Variants in STAM observed in about 807,000 individuals in gnomAD.
The protein encoded by STAM is signal transducing adapter molecule 1.
In STAM, 16 loss-of-function variants were observed where a neutral mutation model predicts 63.4. The ratio of observed to expected loss-of-function variants is 0.25; its 90% CI spans 0.17 to 0.38. The LOEUF is 0.38. Ranked by LOEUF, STAM falls within the 10% of genes least tolerant of loss-of-function variation. STAM has a pLI of 1.00. For missense variants in STAM, 636 were observed against 657.1 expected, an observed-to-expected ratio of 0.97 and a Z score of 0.35; for synonymous variants, 238 against 223.9, an observed-to-expected ratio of 1.06 and a Z score of -0.56.
intron 2 of STAM, among the ~76,000 whole-genome samples, chr10:17,680,336 T>G (rs1278371815): frequency 1.3e-5 from 2 of 152,166 alleles, no homozygotes; most frequent in Non-Finnish European, 2.9e-5. Flanking sequence ...ATTAAACAAT[T>G]AAACAATAAC....
intron 2 of STAM, among the ~76,000 whole-genome samples, chr10:17,664,621 G>A (rs893130235): frequency 2.2e-4 from 33 of 152,244 alleles, no homozygotes; most frequent in Middle Eastern, 6.8e-3. Flanking sequence ...CTAAATACCT[G>A]ATGTGCTTTA....
intron 2 of STAM, among the ~76,000 whole-genome samples, chr10:17,669,728 C>T (rs1223077706): frequency 4.1e-5 from 6 of 147,618 alleles, no homozygotes; most frequent in East Asian, 2.0e-4. Context: ...GATGGAGTCT[C>T]GCTCTGTCAC....
In STAM at chr10:17,697,175, C is replaced by T. The variant is rs190209500; in HGVS notation, c.823+306C>T. Reference sequence around the variant, plus strand: ...AACTCCTGACCTCAGGTGATCCACCCGCCTCAGTCTCCCAAAGTGGTGGGA... The same window carrying T: ...AACTCCTGACCTCAGGTGATCCACCTGCCTCAGTCTCCCAAAGTGGTGGGA... On this transcript the variant is annotated intron_variant, in intron 8 of 13. Transcript: ENST00000377524. Among the ~76,000 whole-genome samples the T allele has an allele frequency of 4.5e-4, 69 of 152,272 alleles. No homozygotes were observed. The East Asian group carries it at 0.013, about 28-fold the overall frequency.
At position 17,688,153 on chromosome 10, in the gene STAM, T is replaced by A; in HGVS notation, c.424T>A (p.Phe142Ile). Residue 142 changes from phenylalanine (F) to isoleucine (I), a missense_variant, in exon 5 of 14, where the codon TTC becomes ATC. Coordinates refer to ENST00000377524, the MANE Select transcript of STAM (RefSeq NM_003473.4). ...IKNLKEQGVTFPAIGSQAAEQ... is the reference protein window; with the variant it reads ...IKNLKEQGVTIPAIGSQAAEQ... ...GAACCTTAAGGAACAAGGAGTTACG[T>A]TCCCAGCTATTGGCTCTCAGGTATT... The A allele has an allele frequency of 1.3e-6, 2 of 1,573,622 alleles. No individual in the cohort carries two copies. The highest frequency in any genetic ancestry group is 2.4e-5 in the South Asian group (2 of 82,644).
chr10:17,705,756 G>A lies in STAM; in HGVS notation c.1209+15G>A. On this transcript the variant is annotated intron_variant, in intron 12 of 13. Transcript: ENST00000377524. Reference sequence around the variant, plus strand: ...CTGGTTCTCAGGTAAGCTTTTAGAAGCCCATGTTGTTTTAAATTCTCAAAT... The same window carrying A: ...CTGGTTCTCAGGTAAGCTTTTAGAAACCCATGTTGTTTTAAATTCTCAAAT... 6 of 1,605,422 alleles carry A rather than the reference G, an allele frequency of 3.7e-6. No individual in the cohort carries two copies. Among genetic ancestry groups the A allele is most frequent in the Non-Finnish European group, 5.1e-6 (6 of 1,176,976 alleles).
chr10:17,705,899 C>T (rs1250064441), intron 12 of STAM, among the ~76,000 whole-genome samples, 158 bp downstream of exon 12: 3 of 144,856 alleles, frequency 2.1e-5, no homozygotes, highest in Non-Finnish European at 4.5e-5. Context: ...GAGACTCTGT[C>T]TCTACCAAAA....
At chr10:17,690,748 T>C (rs1554826674) in intron 5 of STAM, among the ~76,000 whole-genome samples, 1 of 152,178 alleles carries the variant, frequency 6.6e-6, no homozygotes. Flanking sequence ...AATGTAAAAA[T>C]ATTAAGAAAA....
At chr10:17,698,044 TAACAA>T (rs1835838469) in intron 8 of STAM, among the ~76,000 whole-genome samples, 2 of 152,182 alleles carry the variant, frequency 1.3e-5, no homozygotes, top group Non-Finnish European at 2.9e-5. Context: ...ATATATATGT[TAACAA>T]TAAAGAGATA....
intron 1 of STAM, among the ~76,000 whole-genome samples, chr10:17,657,847 CTCTT>C (rs1250563100): frequency 6.8e-6 from 1 of 146,878 alleles, no homozygotes; most frequent in South Asian, 2.1e-4. Context: ...TGTTTTCTCT[CTCTT>C]TTTTTTTTTT....
At chr10:17,703,679 A>G (rs1554828824) in intron 9 of STAM, among the ~76,000 whole-genome samples, 3 of 152,232 alleles carry the variant, frequency 2.0e-5, no homozygotes, top group Non-Finnish European at 1.5e-5. Flanking sequence ...AGATTCTGAA[A>G]TAGATCTGTG....
intron 2 of STAM, among the ~76,000 whole-genome samples, chr10:17,671,461 A>G (rs1834638280): frequency 6.6e-6 from 1 of 152,216 alleles, no homozygotes; most frequent in African/African-American, 2.4e-5. Flanking sequence ...TTTACAGATG[A>G]GGTCTGTCAA....
At chr10:17,660,641 C>A (rs10795500) in intron 2 of STAM, 93 bp downstream of exon 2, 1 of 881,654 alleles carries the variant, frequency 1.1e-6, no homozygotes. Context: ...GGCCCAGCCC[C>A]TCGGTAGGAT....
chr10:17,707,632 G>A (rs1836353408), intron 12 of STAM, among the ~76,000 whole-genome samples: 1 of 151,958 alleles, frequency 6.6e-6, no homozygotes, highest in Admixed American at 6.6e-5. Context: ...AAACCTTCAT[G>A]TTCAATTTTC....
chr10:17,644,831 T>A (rs1486171474), intron 1 of STAM, among the ~76,000 whole-genome samples: 5 of 152,222 alleles, frequency 3.3e-5, no homozygotes, highest in African/African-American at 1.2e-4. Flanking sequence ...TAGAGGATTT[T>A]AAAATCTTTT....
At chr10:17,692,742 C>A (rs561536388) in intron 5 of STAM, among the ~76,000 whole-genome samples, 1 of 152,050 alleles carries the variant, frequency 6.6e-6, no homozygotes, top group African/African-American at 2.4e-5. Flanking sequence ...GCATTTATAT[C>A]GTTTTATATA....
At chr10:17,658,535 T>C (rs1392993158) in intron 1 of STAM, among the ~76,000 whole-genome samples, 1 of 152,176 alleles carries the variant, frequency 6.6e-6, no homozygotes, top group Non-Finnish European at 1.5e-5. Context: ...CTTCTTTTTT[T>C]GGTCTTGCTC....
At chr10:17,647,268 A>G (rs1035547003) in intron 1 of STAM, among the ~76,000 whole-genome samples, 5 of 152,216 alleles carry the variant, frequency 3.3e-5, no homozygotes, top group Non-Finnish European at 4.4e-5. Flanking sequence ...TTGTATTTCA[A>G]AGTCTCTAGT....
intron 5 of STAM, among the ~76,000 whole-genome samples, chr10:17,691,893 T>C (rs1482048582): frequency 6.6e-6 from 1 of 152,222 alleles, no homozygotes; most frequent in Non-Finnish European, 1.5e-5. Context: ...TAATATTTGA[T>C]GTAAAATATA....
At chr10:17,708,734 A>G in intron 12 of STAM, 42 bp from the exon 13 acceptor site, 1 of 1,538,530 alleles carries the variant, frequency 6.5e-7, no homozygotes. Context: ...TATGCTTATT[A>G]AAATTTTAGA....
Sources: allele counts gnomAD v4.1 joint callset (sites outside exome capture counted in the v4.1 genomes callset), GRCh38; gene constraint gnomAD v4.1.1; transcripts MANE v1.5; gene names NCBI Gene and HGNC (gene_info 2026-07-23, HGNC 2026-07-21).